Variants in PCDH15 observed in about 807,000 individuals in gnomAD.
PCDH15 encodes the protein protocadherin related 15.
PCDH15 carries 129 observed loss-of-function variants against 178.5 expected under a neutral mutation model. The ratio of observed to expected loss-of-function variants is 0.72; its 90% CI spans 0.63 to 0.84. PCDH15 has a LOEUF of 0.84. PCDH15 is among the 40% of genes least tolerant of loss of function. The pLI, the probability that PCDH15 is intolerant of heterozygous loss-of-function variation, is 0.00. For missense variants in PCDH15, 2,230 were observed against 2,099.9 expected, an observed-to-expected ratio of 1.06 and a Z score of -1.21; for synonymous variants, 800 against 732.0, an observed-to-expected ratio of 1.09 and a Z score of -1.50.
At chr10:54,242,128 TTTTATATATATATATATATATATATATA>T (rs1389794292) in intron 8 of PCDH15, among the ~76,000 whole-genome samples, 1,830 of 61,996 alleles carry the variant, frequency 0.03, 182 homozygotes, top group African/African-American at 0.11. Context: ...TGAATTCTAT[TTTTATATATATATATATATATATATATA>T]TATATATATA....
At chr10:54,380,863 A>C (rs998134626) in intron 3 of PCDH15, among the ~76,000 whole-genome samples, 2 of 150,516 alleles carry the variant, frequency 1.3e-5, no homozygotes, top group Non-Finnish European at 3.0e-5. Context: ...GTAGTGAAAC[A>C]AAAACACTGT....
chr10:55,255,570 CA>C (rs1391762456), intron 1 of PCDH15, among the ~76,000 whole-genome samples: 1 of 152,134 alleles, frequency 6.6e-6, no homozygotes, highest in Non-Finnish European at 1.5e-5. Flanking sequence ...CTCCCACCAA[CA>C]GTGTAAAAGT....
Position 54,549,624 on chromosome 10 carries a change from A to G in PCDH15, c.92-21747T>C, listed in dbSNP as rs568350154. ...TATTAAAAATAATGTATGTTCTACA[A>G]CTTAACAGTAGTAGTAGTATCAAAC... is the stretch of plus-strand genomic sequence containing the variant. On this transcript the variant is annotated intron_variant, in intron 2 of 37. Transcript: ENST00000644397. Among the ~76,000 whole-genome samples the G allele has an allele frequency of 2.0e-3, 308 of 151,856 alleles. 1 individual carries two copies. The highest frequency in any genetic ancestry group is 7.2e-3 in the African/African-American group (298 of 41,492).
At chr10:54,725,501 A>G (rs994927954) in intron 1 of PCDH15, among the ~76,000 whole-genome samples, 2 of 146,162 alleles carry the variant, frequency 1.4e-5, no homozygotes, top group African/African-American at 4.9e-5. Context: ...ACACAGTAAG[A>G]CCTCATCTCT....
At chr10:54,611,093 A>T (rs2092945578) in intron 2 of PCDH15, among the ~76,000 whole-genome samples, 1 of 151,844 alleles carries the variant, frequency 6.6e-6, no homozygotes. Context: ...ACAAAACTCA[A>T]AAGGAAATAA....
At chr10:55,027,886 T>C (rs535263546) in intron 2 of PCDH15, among the ~76,000 whole-genome samples, 4 of 152,052 alleles carry the variant, frequency 2.6e-5, no homozygotes, top group African/African-American at 9.6e-5. Flanking sequence ...AAATAATTAT[T>C]AAGTGAATTT....
At chr10:53,970,905 T>G (rs904993068) in intron 21 of PCDH15, among the ~76,000 whole-genome samples, 1 of 152,098 alleles carries the variant, frequency 6.6e-6, no homozygotes, top group Non-Finnish European at 1.5e-5. Context: ...TTCCAGTCAA[T>G]AGAAAAAGAA....
intron 2 of PCDH15, among the ~76,000 whole-genome samples, chr10:55,564,912 A>G (rs1842270808): frequency 2.0e-5 from 3 of 151,764 alleles, no homozygotes; most frequent in Non-Finnish European, 4.4e-5. Flanking sequence ...TGAAGACTTC[A>G]AAATCTACCC....
intron 1 of PCDH15, among the ~76,000 whole-genome samples, chr10:54,776,468 C>A (rs1265073848): frequency 6.6e-6 from 1 of 151,814 alleles, no homozygotes; most frequent in Non-Finnish European, 1.5e-5. Context: ...GCAGTTCATA[C>A]CTGTAGCCTC....
At chr10:54,745,120 T>C (rs1945285068) in intron 1 of PCDH15, among the ~76,000 whole-genome samples, 1 of 152,168 alleles carries the variant, frequency 6.6e-6, no homozygotes, top group Non-Finnish European at 1.5e-5. Context: ...ATAAAAAATC[T>C]TCAAAAAGCA....
intron 2 of PCDH15, among the ~76,000 whole-genome samples, chr10:54,974,052 C>G (rs1839003722): frequency 6.7e-6 from 1 of 148,628 alleles, no homozygotes; most frequent in African/African-American, 2.5e-5. Flanking sequence ...CTCTCTCTCT[C>G]TCTCTCACAC....
chr10:54,444,938 G>A (rs2076052852), intron 3 of PCDH15, among the ~76,000 whole-genome samples: 1 of 151,398 alleles, frequency 6.6e-6, no homozygotes, highest in African/African-American at 2.4e-5. Context: ...TTTTTATATG[G>A]CCACAGAAAT....
chr10:54,632,102 A>G (rs925028402), intron 2 of PCDH15, among the ~76,000 whole-genome samples: 10 of 152,170 alleles, frequency 6.6e-5, no homozygotes, highest in African/African-American at 2.4e-4. Context: ...CACAGCCATA[A>G]AACAAGAATG....
At chr10:53,883,102 AAAG>A (rs1207626507) in intron 26 of PCDH15, among the ~76,000 whole-genome samples, 2 of 152,182 alleles carry the variant, frequency 1.3e-5, no homozygotes, top group East Asian at 3.9e-4. Context: ...TAGTTTACTG[AAAG>A]AATACACATA....
At chr10:53,888,300 A>ATATACATGTATATATATACG (rs2081257422) in intron 26 of PCDH15, among the ~76,000 whole-genome samples, 1 of 82,018 alleles carries the variant, frequency 1.2e-5, no homozygotes, top group East Asian at 7.4e-4. Flanking sequence ...ACATATATAT[A>ATATACATGTATATATATACG]TATATATATG....
chr10:54,557,576 A>T (rs2087466158), intron 2 of PCDH15, among the ~76,000 whole-genome samples: 1 of 152,170 alleles, frequency 6.6e-6, no homozygotes, highest in Non-Finnish European at 1.5e-5. Flanking sequence ...ATTATCAGGA[A>T]CACTGAACAA....
At chr10:55,425,540 C>T (rs925516321) in intron 2 of PCDH15, among the ~76,000 whole-genome samples, 7 of 151,948 alleles carry the variant, frequency 4.6e-5, no homozygotes, top group African/African-American at 1.7e-4. Context: ...TAACAATTTT[C>T]CACAAATTCT....
intron 2 of PCDH15, among the ~76,000 whole-genome samples, chr10:54,650,331 C>T (rs1198926443): frequency 6.6e-6 from 1 of 152,050 alleles, no homozygotes; most frequent in East Asian, 1.9e-4. Flanking sequence ...AACTTGAGTT[C>T]CCTGTTTCTT....
intron 2 of PCDH15, among the ~76,000 whole-genome samples, chr10:55,401,490 T>C (rs989488744): frequency 3.3e-5 from 5 of 152,038 alleles, no homozygotes; most frequent in African/African-American, 1.2e-4. Flanking sequence ...AATGCAAAGG[T>C]CTGTGCCCTG....
Sources: allele counts gnomAD v4.1 joint callset (sites outside exome capture counted in the v4.1 genomes callset), GRCh38; gene constraint gnomAD v4.1.1; transcripts MANE v1.5; gene names NCBI Gene and HGNC (gene_info 2026-07-23, HGNC 2026-07-21).